The following CTNND2 variants were observed in gnomAD, a reference collection of about 807,000 sequenced individuals.
CTNND2 encodes the protein catenin delta-2.
In CTNND2, 22 loss-of-function variants were observed where a neutral mutation model predicts 144.4. The ratio of observed to expected loss-of-function variants is 0.15; its 90% CI spans 0.11 to 0.22. The LOEUF (loss-of-function observed/expected upper bound fraction) is 0.22, where lower values mean the gene tolerates loss of function less well. Ranked by LOEUF, CTNND2 falls within the 10% of genes least tolerant of loss-of-function variation. The pLI, the probability that CTNND2 is intolerant of heterozygous loss-of-function variation, is 1.00. For missense variants in CTNND2, 1,353 were observed against 1,618.8 expected (o/e 0.84, Z 2.82); for synonymous variants, 751 against 695.6 (o/e 1.08, Z -1.25).
At chr5:11,880,942 AATAC>A (rs1736055395) in intron 1 of CTNND2, among the ~76,000 whole-genome samples, 1 of 146,790 alleles carries the variant, frequency 6.8e-6, no homozygotes, top group African/African-American at 2.5e-5. Context: ...TACTGCTACT[AATAC>A]TACTACTACT....
At chr5:11,638,738 T>A (rs566572288) in intron 2 of CTNND2, among the ~76,000 whole-genome samples, 1 of 152,190 alleles carries the variant, frequency 6.6e-6, no homozygotes, top group Admixed American at 6.5e-5. Context: ...CACACCAGGC[T>A]ATTTTTTGTA....
intron 5 of CTNND2, among the ~76,000 whole-genome samples, chr5:11,406,054 G>A (rs182001353): frequency 1.5e-3 from 222 of 152,280 alleles, no homozygotes; most frequent in African/African-American, 5.1e-3. Context: ...GGCTGAGGCA[G>A]CAGAATCGCT....
At chr5:11,250,491 C>CTCTCTCTCTCTCTATATA (rs869141186) in intron 9 of CTNND2, among the ~76,000 whole-genome samples, 33 of 64,104 alleles carry the variant, frequency 5.1e-4, no homozygotes, top group Non-Finnish European at 7.7e-4. Context: ...CTCTCTCTCT[C>CTCTCTCTCTCTCTATATA]TATATATATA....
chr5:10,994,429 AAGGGGTGGGGAAAGAGGAGC>A (rs1561140083), intron 18 of CTNND2, among the ~76,000 whole-genome samples: 6 of 24,164 alleles, frequency 2.5e-4, no homozygotes, highest in Non-Finnish European at 2.9e-4. Flanking sequence ...GGAAGGAGGA[AAGGGGTGGGGAAAGAGGAGC>A]GGGGGCCGGG....
intron 2 of CTNND2, among the ~76,000 whole-genome samples, chr5:11,730,382 C>T (rs975943138): frequency 6.6e-6 from 1 of 152,154 alleles, no homozygotes; most frequent in African/African-American, 2.4e-5. Context: ...TCAGTTATGA[C>T]AACACCACGT....
intron 2 of CTNND2, among the ~76,000 whole-genome samples, chr5:11,660,891 T>G (rs1466348406): frequency 6.6e-6 from 1 of 152,144 alleles, no homozygotes; most frequent in Non-Finnish European, 1.5e-5. Flanking sequence ...TAACATTTAA[T>G]TTAAAAATCT....
chr5:11,006,132 AG>A (rs1179723741), intron 18 of CTNND2, among the ~76,000 whole-genome samples: 2 of 152,210 alleles, frequency 1.3e-5, no homozygotes, highest in Non-Finnish European at 2.9e-5. Context: ...AGGATGTTGC[AG>A]GGAAGACCAG....
chr5:11,515,298 T>C (rs1772063061), intron 3 of CTNND2, among the ~76,000 whole-genome samples: 1 of 152,092 alleles, frequency 6.6e-6, no homozygotes, highest in Non-Finnish European at 1.5e-5. Context: ...GATGTGAAAC[T>C]CTGCAGACAA....
intron 16 of CTNND2, among the ~76,000 whole-genome samples, chr5:11,031,500 CAG>C (rs1252347954): frequency 6.6e-6 from 1 of 152,052 alleles, no homozygotes; most frequent in African/African-American, 2.4e-5. Context: ...CAATAGACTC[CAG>C]AGTTTCAAAA....
At chr5:11,881,657 G>A (rs1736124970) in intron 1 of CTNND2, among the ~76,000 whole-genome samples, 1 of 151,640 alleles carries the variant, frequency 6.6e-6, no homozygotes, top group Non-Finnish European at 1.5e-5. Context: ...AGACATTTAG[G>A]CTGATATCAT....
chr5:11,291,085 C>G (rs560367014), intron 9 of CTNND2, among the ~76,000 whole-genome samples: 88 of 152,114 alleles, frequency 5.8e-4, no homozygotes, highest in Admixed American at 3.7e-3. Context: ...AATTGCGGGT[C>G]TCCTGGTTAC....
rs150092621 is a variant in CTNND2 at position 11,354,001 on chromosome 5, A to G, written c.1373-7374T>C. Among the ~76,000 whole-genome samples the G allele has an allele frequency of 6.6e-5, 10 of 152,286 alleles. No individual in the cohort carries two copies. The East Asian group carries it at 1.9e-3, about 29-fold the overall frequency. On this transcript the variant is annotated intron_variant, in intron 8 of 21. Transcript: ENST00000304623. Reference sequence around the variant, plus strand: ...GTGGACTTATTTCTTTACCTTGAGTAAGATGAGGGGACCGAGCAAACTCAT... The same window carrying G: ...GTGGACTTATTTCTTTACCTTGAGTGAGATGAGGGGACCGAGCAAACTCAT...
In CTNND2 at chr5:11,384,817, G is replaced by A; in HGVS notation, c.1025C>T (p.Ser342Phe). 6.2e-7 allele frequency: 1 copy of A among 1,613,336 alleles called. No individual in the cohort carries two copies. Among genetic ancestry groups the A allele is most frequent in the East Asian group, 2.2e-5 (1 of 44,842 alleles). The change falls in exon 7 of 22, where the codon TCC (serine) becomes TTC (phenylalanine). Residue 342 changes from serine to phenylalanine, a missense_variant. Physicochemically the swap from Ser to Phe is radical, Grantham distance 155. Coordinates refer to ENST00000304623, the MANE Select transcript of CTNND2 (RefSeq NM_001332.4). This position sits in a 1 kb window ranked among gnomAD's most constrained non-coding sequence, Gnocchi z 5.2. ...GCTCAGCTGGTGGATGGGCGAGGAGGAGATGGTGGACTGCACGGTGGGGGG... is the reference window on the plus strand; with the variant it reads ...GCTCAGCTGGTGGATGGGCGAGGAGAAGATGGTGGACTGCACGGTGGGGGG... ...TSPPTVQSTI[S>F]SSPIHQLSST...
intron 15 of CTNND2, among the ~76,000 whole-genome samples, chr5:11,091,040 T>C (rs1046416076): frequency 8.5e-5 from 13 of 152,154 alleles, no homozygotes; most frequent in Non-Finnish European, 2.9e-5. Flanking sequence ...GATCTGTGAG[T>C]GTATGAGTTT....
intron 16 of CTNND2, among the ~76,000 whole-genome samples, chr5:11,037,338 A>G (rs852633): frequency 0.3 from 46,132 of 152,082 alleles, 7,605 homozygotes; most frequent in Non-Finnish European, 0.38. Context: ...CCCTGCCAAA[A>G]CCATGCGTCA....
intron 15 of CTNND2, chr5:11,083,933 C>A: frequency 8.7e-7 from 1 of 1,148,556 alleles, no homozygotes; most frequent in Non-Finnish European, 1.1e-6. Context: ...ATATGCCATG[C>A]CTGCCACATC....
intron 2 of CTNND2, among the ~76,000 whole-genome samples, chr5:11,566,365 G>A (rs1329371078): frequency 2.0e-5 from 3 of 152,164 alleles, no homozygotes; most frequent in African/African-American, 7.2e-5. Flanking sequence ...GATCTCGGCT[G>A]AATGTATTTT....
intron 15 of CTNND2, 152 bp downstream of exon 15, chr5:11,098,423 T>C: frequency 1.5e-6 from 1 of 673,438 alleles, no homozygotes; most frequent in Admixed American, 3.1e-5. Context: ...AAGGAATACA[T>C]TTCCAAGTAA....
At chr5:11,569,635 AAT>A (rs1439600228) in intron 2 of CTNND2, among the ~76,000 whole-genome samples, 1 of 152,042 alleles carries the variant, frequency 6.6e-6, no homozygotes, top group African/African-American at 2.4e-5. Flanking sequence ...TCCCTCAATA[AAT>A]ATGTTACTTA....
Sources: gnomAD v4.1 joint callset for allele counts (sites outside exome capture counted in the v4.1 genomes callset) on GRCh38, gnomAD v4.1.1 for gene constraint, Gnocchi (gnomAD v3.1) non-coding constraint, MANE v1.5 for transcripts, NCBI Gene and HGNC (gene_info 2026-07-23, HGNC 2026-07-21) for gene names.